The following SCYL3 variants were observed in gnomAD, a reference collection of about 807,000 sequenced individuals.
SCYL3 encodes the protein protein-associating with the carboxyl-terminal domain of ezrin.
In SCYL3, 35 loss-of-function variants were observed where a neutral mutation model predicts 73.8. The ratio of observed to expected loss-of-function variants is 0.47; its 90% confidence interval spans 0.36 to 0.63. SCYL3 has a LOEUF of 0.63. SCYL3 is among the 20% of genes least tolerant of loss of function. The pLI, the probability that SCYL3 is intolerant of heterozygous loss-of-function variation, is 0.00. For missense variants in SCYL3, 712 were observed against 798.9 expected, an observed-to-expected ratio of 0.89 and a Z score of 1.31; for synonymous variants, 277 against 295.2, an observed-to-expected ratio of 0.94 and a Z score of 0.63.
chr1:169,878,155 T>C (rs527960796), intron 3 of SCYL3, among the ~76,000 whole-genome samples: 61 of 152,204 alleles, frequency 4.0e-4, no homozygotes, highest in Non-Finnish European at 7.6e-4. Flanking sequence ...TGTCTCTCAA[T>C]TGGCCCCAAC....
chr1:169,880,751 T>C (rs1308187000), intron 2 of SCYL3, among the ~76,000 whole-genome samples: 2 of 148,344 alleles, frequency 1.3e-5, no homozygotes, highest in Non-Finnish European at 3.0e-5. Context: ...TTACAATAAA[T>C]ATGAAGGCCA....
chr1:169,853,624 G>C lies in SCYL3; in HGVS notation c.*89C>G. On this transcript the variant is annotated 3_prime_UTR_variant, in exon 13 of 13. Transcript: ENST00000367771. The stretch of plus-strand genomic sequence containing the variant: ...GATGGGAAAAGCAGGCCACTTTGGG[G>C]TTTTCTTGTCCCAAAGCCTGCTTTT... The C allele has an allele frequency of 7.0e-7, 1 of 1,421,800 alleles. No individual in the cohort carries two copies. 88.1% of individuals were successfully genotyped at this position (1,421,800 alleles called of 1,614,324 possible). A position where few individuals can be genotyped will look rare whatever the true frequency, so the allele number is the denominator to read the frequency against.
chr1:169,866,963 G>T lies in SCYL3; in HGVS notation c.748C>A (p.Leu250Met), dbSNP rs749883948. 1.9e-6 allele frequency: 3 copies of T among 1,582,826 alleles called. No individual in the cohort carries two copies. In the East Asian group the frequency reaches 6.7e-5, roughly 36 times the overall value. The stretch of plus-strand genomic sequence containing the variant: ...CTTTTCAAGAAATTCACAACTTCCA[G>T]AAAATCATTTCTAAATGCCAAAAAG... ...LSHDFFRNDF[L>M]EVVNFLKSLT... Residue 250 changes from leucine (L) to methionine (M), a missense_variant, in exon 8 of 13, where the codon CTG becomes ATG. Leu to Met is a conservative substitution (Grantham distance 15). Transcript: ENST00000367771.
intron 2 of SCYL3, among the ~76,000 whole-genome samples, chr1:169,887,470 A>G (rs1171637602): frequency 6.6e-6 from 1 of 152,242 alleles, no homozygotes; most frequent in Non-Finnish European, 1.5e-5. Context: ...CCTCGCCGAT[A>G]ATAGTTTATT....
At chr1:169,857,465 C>CAGGTT (rs1316634375) in intron 11 of SCYL3, among the ~76,000 whole-genome samples, 1 of 152,234 alleles carries the variant, frequency 6.6e-6, no homozygotes, top group East Asian at 1.9e-4. Context: ...TCTGCAGGTG[C>CAGGTT]AAACCTGCAA....
In SCYL3 at chr1:169,850,252, A is replaced by T. The variant is rs754765120; in HGVS notation, c.*3461T>A. 2 of 1,584,532 alleles carry T rather than the reference A, an allele frequency of 1.3e-6. No individual in the cohort carries two copies. The highest frequency in any genetic ancestry group is 8.6e-7 in the Non-Finnish European group (1 of 1,157,468). ...AATGTTAAAATTGGTCTTGTTCATC[A>T]ATTTTTTAATAGGGAACAAATCATG... is the stretch of plus-strand genomic sequence containing the variant. On this transcript the variant is annotated 3_prime_UTR_variant, in exon 13 of 13. Coordinates refer to ENST00000367771, the MANE Select transcript of SCYL3 (RefSeq NM_020423.7).
intron 11 of SCYL3, among the ~76,000 whole-genome samples, chr1:169,856,994 T>C (rs147183798): frequency 2.6e-5 from 4 of 152,344 alleles, no homozygotes; most frequent in Admixed American, 1.3e-4. Context: ...CAGAATTACA[T>C]AACAAGTTCA....
intron 11 of SCYL3, chr1:169,855,819 T>C (rs1390665163): frequency 6.2e-7 from 1 of 1,613,734 alleles, no homozygotes; most frequent in South Asian, 1.1e-5. Flanking sequence ...AGTATTGTAG[T>C]AATCTCGCTG....
At chr1:169,867,037 T>C in intron 7 of SCYL3, 64 bp from the exon 8 acceptor site, 1 of 871,132 alleles carries the variant, frequency 1.1e-6, no homozygotes, top group Non-Finnish European at 1.9e-6. Context: ...ATTGAGGTCA[T>C]AATCACAGAC....
At chr1:169,871,440 T>C (rs945351957) in intron 5 of SCYL3, among the ~76,000 whole-genome samples, 7 of 152,194 alleles carry the variant, frequency 4.6e-5, no homozygotes, top group Non-Finnish European at 2.9e-5. Context: ...TTTAAGGAAC[T>C]CCCCAGCCAC....
chr1:169,879,286 G>C (rs1369246729), intron 2 of SCYL3, among the ~76,000 whole-genome samples: 1 of 152,178 alleles, frequency 6.6e-6, no homozygotes, highest in Non-Finnish European at 1.5e-5. Context: ...TGTAACAAAG[G>C]TGCTAAAAGT....
intron 2 of SCYL3, among the ~76,000 whole-genome samples, chr1:169,881,225 A>G (rs1661228913): frequency 6.6e-6 from 1 of 152,228 alleles, no homozygotes; most frequent in Non-Finnish European, 1.5e-5. Context: ...CAAGGCTTCT[A>G]CGTTTTATGT....
At chr1:169,880,185 T>A (rs1156778917) in intron 2 of SCYL3, among the ~76,000 whole-genome samples, 3 of 151,526 alleles carry the variant, frequency 2.0e-5, no homozygotes, top group Non-Finnish European at 4.4e-5. Context: ...TAAATATAAC[T>A]GAAGTCCCAA....
intron 3 of SCYL3, among the ~76,000 whole-genome samples, 157 bp downstream of exon 3, chr1:169,878,477 C>T (rs571024010): frequency 4.6e-5 from 7 of 152,202 alleles, no homozygotes; most frequent in Non-Finnish European, 8.8e-5. Flanking sequence ...ACCTCTTGTG[C>T]CTTCCAACAT....
rs1392546675 is a variant in SCYL3, at chr1:169,853,320, A to G, written c.*393T>C. 5.9e-6 allele frequency: 2 copies of G among 337,100 alleles called. No homozygotes were observed. Among genetic ancestry groups the G allele is most frequent in the East Asian group, 6.0e-5 (1 of 16,684 alleles). The allele number at this position is 337,100 out of a possible 1,614,324, so 20.9% of individuals were successfully genotyped here. ...TATAGCTAAAATTTTTTAAAGTTGT[A>G]TTTCATAATAGAGCTTACTCTTATG... On this transcript the variant is annotated 3_prime_UTR_variant, in exon 13 of 13. Transcript: ENST00000367771.
In SCYL3 at chr1:169,853,693, A is replaced by C; in HGVS notation, c.*20T>G. ...AAAAAAAGGGAATCCTTTTTCCTAA[A>C]GTTTAACTCACATCTATTGTCACCA... On this transcript the variant is annotated 3_prime_UTR_variant, in exon 13 of 13. Coordinates refer to ENST00000367771, the MANE Select transcript of SCYL3 (RefSeq NM_020423.7). 1 of 1,610,896 alleles carries C rather than the reference A, an allele frequency of 6.2e-7. No individual in the cohort carries two copies. Among genetic ancestry groups the C allele is most frequent in the Non-Finnish European group, 8.5e-7 (1 of 1,178,770 alleles).
rs1278391180 is a variant in SCYL3 at position 169,864,502 on chromosome 1, C to A, written c.822G>T (p.Leu274=). 1 of 1,590,050 alleles carries A rather than the reference C, an allele frequency of 6.3e-7. No individual in the cohort carries two copies. ...CTGACAAGCAGCTGACTCTGTCCAG[C>A]AGAAATCTGAGGACAAAAAGGGAAA... The part of the protein sequence containing the change: ...EEEKTEFFKF[L]LDRVSCLSEE... The change falls in exon 9 of 13, where the codon CTG becomes CTT. Residue 274 remains leucine (L), a synonymous_variant. Transcript: ENST00000367771.
At chr1:169,891,428 T>TGTGA (rs1662080161) in intron 1 of SCYL3, among the ~76,000 whole-genome samples, 1 of 152,118 alleles carries the variant, frequency 6.6e-6, no homozygotes, top group East Asian at 1.9e-4. Flanking sequence ...CTTGAATGGG[T>TGTGA]CTATGTTCTT....
At chr1:169,865,837 C>T (rs1445542520) in intron 8 of SCYL3, among the ~76,000 whole-genome samples, 1 of 152,118 alleles carries the variant, frequency 6.6e-6, no homozygotes, top group Admixed American at 6.5e-5. Flanking sequence ...CATAGCCTTC[C>T]TAGCTCTCTG....
Sources: allele counts gnomAD v4.1 joint callset (sites outside exome capture counted in the v4.1 genomes callset), GRCh38; gene constraint gnomAD v4.1.1; transcripts MANE v1.5; gene names NCBI Gene and HGNC (gene_info 2026-07-23, HGNC 2026-07-21).